Variants in PKN2 observed in about 807,000 individuals in gnomAD.
PKN2 encodes protein kinase N2.
In PKN2, 38 loss-of-function variants were observed where a neutral mutation model predicts 119.1. The ratio of observed to expected loss-of-function variants is 0.32; its 90% CI spans 0.25 to 0.42. The LOEUF is 0.42. Among genes scored for constraint, PKN2 ranks in the 10% least tolerant of loss-of-function variants. The pLI is 1.00. For missense variants in PKN2, 850 were observed against 1,165.1 expected (o/e 0.73, Z 3.94); for synonymous variants, 390 against 384.9 (o/e 1.01, Z -0.15).
At position 88,710,678 on chromosome 1, in the gene PKN2, G is replaced by T. The variant is rs182172408; in HGVS notation, c.48+26050G>T. Among the ~76,000 whole-genome samples, 79 of 152,282 alleles carry T rather than the reference G, an allele frequency of 5.2e-4. 1 individual carries two copies. The East Asian group carries it at 0.015, about 29-fold the overall frequency. On this transcript the variant is annotated intron_variant, in intron 1 of 21. Transcript: ENST00000370521. ...CAGATGCTGTCGAGGTGGAGAAAAAGGAATGCTTATACACTGTTGGTGGAA... is the reference window on the plus strand; with the variant it reads ...CAGATGCTGTCGAGGTGGAGAAAAATGAATGCTTATACACTGTTGGTGGAA...
chr1:88,761,531 T>C (rs1172183283), intron 3 of PKN2, among the ~76,000 whole-genome samples: 2 of 150,256 alleles, frequency 1.3e-5, no homozygotes, highest in African/African-American at 4.9e-5. Context: ...TACCTAGAAC[T>C]CTGGGAGGCT....
chr1:88,736,053 A>G (rs895030473), intron 1 of PKN2, among the ~76,000 whole-genome samples: 2 of 151,768 alleles, frequency 1.3e-5, no homozygotes, highest in African/African-American at 2.4e-5. Flanking sequence ...TCCTCCAGCT[A>G]TGTGTTTTCA....
chr1:88,756,596 A>C (rs1669213281), intron 2 of PKN2, among the ~76,000 whole-genome samples: 1 of 152,182 alleles, frequency 6.6e-6, no homozygotes, highest in African/African-American at 2.4e-5. Context: ...CCAGTTCTGT[A>C]AAAAATGTGC....
At chr1:88,766,511 A>G (rs1362466686) in intron 3 of PKN2, among the ~76,000 whole-genome samples, 1 of 152,212 alleles carries the variant, frequency 6.6e-6, no homozygotes, top group Non-Finnish European at 1.5e-5. Flanking sequence ...ATTGTAAAAT[A>G]TTTATTCCAA....
chr1:88,810,834 T>G (rs1009451864), intron 15 of PKN2, among the ~76,000 whole-genome samples: 2 of 152,072 alleles, frequency 1.3e-5, no homozygotes, highest in Non-Finnish European at 2.9e-5. Flanking sequence ...CTCAAACTCC[T>G]GACCTCAGGT....
At chr1:88,803,826 C>T (rs540599939) in intron 8 of PKN2, among the ~76,000 whole-genome samples, 59 of 152,206 alleles carry the variant, frequency 3.9e-4, no homozygotes, top group African/African-American at 1.3e-3. Context: ...TCCTTTCGTA[C>T]GCAGAATGGG....
At chr1:88,823,122 A>T (rs1453305198) in intron 17 of PKN2, among the ~76,000 whole-genome samples, 1 of 152,182 alleles carries the variant, frequency 6.6e-6, no homozygotes, top group East Asian at 1.9e-4. Flanking sequence ...CAGGAGGCTG[A>T]GGTGGGGGAA....
rs1570468318 is a variant in PKN2, at chr1:88,684,493, T to C, written c.-88T>C. ...TTTTTTTTTTTTTCTTTCTCTCCCC[T>C]CTCCTCACCCCCACCCCGAGCCCCG... On this transcript the variant is annotated 5_prime_UTR_variant, in exon 1 of 22. Transcript: ENST00000370521. The C allele has an allele frequency of 4.3e-5, 29 of 677,032 alleles. No individual in the cohort carries two copies. Among genetic ancestry groups the C allele is most frequent in the South Asian group, 8.4e-5 (5 of 59,236 alleles). 41.9% of individuals were successfully genotyped at this position (677,032 alleles called of 1,614,324 possible).
intron 8 of PKN2, among the ~76,000 whole-genome samples, chr1:88,792,433 A>G (rs1670880694): frequency 1.3e-5 from 2 of 151,078 alleles, no homozygotes; most frequent in Non-Finnish European, 2.9e-5. Flanking sequence ...AATAAATAAC[A>G]TGTCATGTAT....
intron 6 of PKN2, 114 bp from the exon 7 acceptor site, chr1:88,784,525 G>C: frequency 2.0e-6 from 1 of 492,970 alleles, no homozygotes; most frequent in Non-Finnish European, 3.4e-6. Flanking sequence ...TCTGGGAGAA[G>C]AGTTTTTGTT....
intron 1 of PKN2, among the ~76,000 whole-genome samples, chr1:88,714,957 A>C (rs1384890917): frequency 6.6e-6 from 1 of 152,176 alleles, no homozygotes; most frequent in Non-Finnish European, 1.5e-5. Flanking sequence ...ATCAATACCT[A>C]GTTTATTGAC....
At chr1:88,794,367 C>CAA (rs61455908) in intron 8 of PKN2, among the ~76,000 whole-genome samples, 4,118 of 117,326 alleles carry the variant, frequency 0.035, 211 homozygotes, top group African/African-American at 0.12. Context: ...AATTCTGTCT[C>CAA]AAAAAAAAAA....
In PKN2 at chr1:88,786,156, C is replaced by A; in HGVS notation, c.1224C>A (p.Ser408Arg). The change falls in exon 8 of 22, where the codon AGC becomes AGA. Residue 408 changes from serine to arginine, a missense_variant. By Grantham distance (110) the Ser-to-Arg change is moderately radical. Transcript: ENST00000370521. Reference sequence around the variant, plus strand: ...ATAATACTGTGGTTGGCCAAACTAGCTGGAAACCCATTTCCAATCAGTCAT... The same window carrying A: ...ATAATACTGTGGTTGGCCAAACTAGATGGAAACCCATTTCCAATCAGTCAT... ...KLDNTVVGQT[S>R]WKPISNQSWD... The A allele has an allele frequency of 1.2e-6, 2 of 1,612,998 alleles. No individual in the cohort carries two copies. The highest frequency in any genetic ancestry group is 1.7e-6 in the Non-Finnish European group (2 of 1,179,070).
At chr1:88,829,170 T>C (rs550011713) in intron 19 of PKN2, 54 of 740,012 alleles carry the variant, frequency 7.3e-5, no homozygotes, top group South Asian at 5.7e-4. Flanking sequence ...CAAATTGATA[T>C]CATCCGATGG....
intron 1 of PKN2, among the ~76,000 whole-genome samples, chr1:88,739,151 A>AT (rs1002835151): frequency 6.6e-6 from 1 of 152,032 alleles, no homozygotes; most frequent in African/African-American, 2.4e-5. Flanking sequence ...TCTTTGTACT[A>AT]TTTTTTGTTG....
At chr1:88,787,598 G>A (rs931679370) in intron 8 of PKN2, among the ~76,000 whole-genome samples, 2 of 152,202 alleles carry the variant, frequency 1.3e-5, no homozygotes, top group Non-Finnish European at 2.9e-5. Flanking sequence ...AAGATGAAGA[G>A]TGCCTGGAAG....
Position 88,804,930 on chromosome 1 carries a change from T to G in PKN2, c.1501+9T>G. On this transcript the variant is annotated intron_variant, in intron 10 of 21. Coordinates refer to ENST00000370521, the MANE Select transcript of PKN2 (RefSeq NM_006256.4). ...TTTTTCAAAGCAACAAGGTAATTACTAACAATCAAATGCATAGCATTTTGA... is the reference window on the plus strand; with the variant it reads ...TTTTTCAAAGCAACAAGGTAATTACGAACAATCAAATGCATAGCATTTTGA... 1 of 1,296,120 alleles carries G rather than the reference T, an allele frequency of 7.7e-7. No homozygotes were observed. 80.3% of individuals were successfully genotyped at this position (1,296,120 alleles called of 1,614,324 possible). A position where few individuals can be genotyped will look rare whatever the true frequency, so the allele number is the denominator to read the frequency against.
chr1:88,825,519 A>G (rs906621759), intron 18 of PKN2, among the ~76,000 whole-genome samples: 1 of 152,316 alleles, frequency 6.6e-6, no homozygotes, highest in Middle Eastern at 3.4e-3. Context: ...ATCTGAAAGT[A>G]AGGAATTATC....
At chr1:88,698,035 CTTTAG>C (rs1259401574) in intron 1 of PKN2, among the ~76,000 whole-genome samples, 1 of 152,124 alleles carries the variant, frequency 6.6e-6, no homozygotes, top group Non-Finnish European at 1.5e-5. Context: ...TCATTTACCC[CTTTAG>C]CCCTTTAGTC....
Sources: allele counts gnomAD v4.1 joint callset (sites outside exome capture counted in the v4.1 genomes callset), GRCh38; gene constraint gnomAD v4.1.1; transcripts MANE v1.5; gene names NCBI Gene and HGNC (gene_info 2026-07-23, HGNC 2026-07-21).